The following ANKRD9 variants were observed in gnomAD, a reference collection of about 807,000 sequenced individuals.
The protein encoded by ANKRD9 is ankyrin repeat domain 9.
Under a neutral mutation model 19.2 loss-of-function variants are expected in ANKRD9, and 13 were observed. That is an observed-to-expected ratio of 0.68 (90% confidence interval 0.44 to 1.08). The LOEUF is 1.08. Among genes scored for constraint, ANKRD9 ranks in the 50% least tolerant of loss-of-function variants. The pLI, the probability that ANKRD9 is intolerant of heterozygous loss-of-function variation, is 0.00. For synonymous variants in ANKRD9, 278 were observed against 256.8 expected (o/e 1.08, Z -0.79); for missense variants, 518 against 499.9 (o/e 1.04, Z -0.34).
chr14:102,507,278 G>A lies in ANKRD9; in HGVS notation c.612C>T (p.Gly204=), dbSNP rs1891630040. Residue 204 remains glycine, a synonymous_variant, in exon 4 of 4, where the codon GGC becomes GGT. Coordinates refer to ENST00000286918, the MANE Select transcript of ANKRD9 (RefSeq NM_152326.4). The surrounding 1 kb of genome is among the most constrained non-coding windows in gnomAD (Gnocchi z 9.2). ...TPLELLLRQL[G]RDAGATPSAA... is the part of the protein sequence containing the mutation. ...CGGAGGGAGTGGCCCCGGCGTCGCG[G>A]CCCAGCTGGCGCAGCAGCAGCTCGA... 2 of 1,209,176 alleles carry A rather than the reference G, an allele frequency of 1.7e-6. No individual in the cohort carries two copies. Among genetic ancestry groups the A allele is most frequent in the East Asian group, 4.3e-5 (1 of 23,474 alleles). 74.9% of individuals were successfully genotyped at this position (1,209,176 alleles called of 1,614,324 possible). A position where few individuals can be genotyped will look rare whatever the true frequency, so the allele number is the denominator to read the frequency against.
At position 102,507,171 on chromosome 14, in the gene ANKRD9, G is replaced by T. The variant is rs755477104; in HGVS notation, c.719C>A (p.Pro240His). 1.7e-5 allele frequency: 24 copies of T among 1,398,886 alleles called. No individual in the cohort carries two copies. In the Admixed American group the frequency reaches 3.3e-4, roughly 19 times the overall value. The allele number at this position is 1,398,886 out of a possible 1,614,324, so 86.7% of individuals were successfully genotyped here. A position where few individuals can be genotyped will look rare whatever the true frequency, so the allele number is the denominator to read the frequency against. Reference sequence around the variant, plus strand: ...GCGGGCCGAGCCGGCGGCACCCACGGGGGTGTACAGCGCCAGGAGGTCCAG... The same window carrying T: ...GCGGGCCGAGCCGGCGGCACCCACGTGGGTGTACAGCGCCAGGAGGTCCAG... ...LLLDLLALYT[P>H]VGAAGSARQE... The change falls in exon 4 of 4, where the codon CCC becomes CAC. Residue 240 changes from proline to histidine, a missense_variant. Transcript: ENST00000286918. This position sits in a 1 kb window ranked among gnomAD's most constrained non-coding sequence, Gnocchi z 9.2.
In ANKRD9 at chr14:102,509,521, G is replaced by T. The variant is rs1891726787; in HGVS notation, c.-335+8C>A. The T allele has an allele frequency of 8.3e-6, 1 of 120,332 alleles. No homozygotes were observed. Among genetic ancestry groups the T allele is most frequent in the South Asian group, 2.8e-4 (1 of 3,586 alleles). 7.5% of individuals were successfully genotyped at this position (120,332 alleles called of 1,614,324 possible). ...GCCGCGGGCGCGGCGCGGGGGACGG[G>T]GACTCACCATGGGGGGCGCGGGGGC... On this transcript the variant is annotated splice_region_variant and intron_variant, in intron 1 of 3. Transcript: ENST00000286918.
In ANKRD9 at chr14:102,508,118, C is replaced by G. The variant is rs1891674620; in HGVS notation, c.-53-176G>C. 2.6e-5 allele frequency among the ~76,000 whole-genome samples: 4 copies of G among 152,126 alleles called. No individual in the cohort carries two copies. In the South Asian group the frequency reaches 8.3e-4, roughly 31 times the overall value. On this transcript the variant is annotated intron_variant, in intron 3 of 3. Coordinates refer to ENST00000286918, the MANE Select transcript of ANKRD9 (RefSeq NM_152326.4). The surrounding 1 kb of genome is among the most constrained non-coding windows in gnomAD (Gnocchi z 6.2). ...GCTCCATCTCTCCGACGCCCAGAAC[C>G]ACCGCCTCCATCCTTGATCTAGCTG...
Position 102,507,368 on chromosome 14 carries a change from G to A in ANKRD9, c.522C>T (p.Cys174=), listed in dbSNP as rs1891636330. 2.3e-6 allele frequency: 3 copies of A among 1,332,858 alleles called. No homozygotes were observed. Among genetic ancestry groups the A allele is most frequent in the Non-Finnish European group, 2.9e-6 (3 of 1,039,726 alleles). The allele number at this position is 1,332,858 out of a possible 1,614,324, so 82.6% of individuals were successfully genotyped here. A position where few individuals can be genotyped will look rare whatever the true frequency, so the allele number is the denominator to read the frequency against. The stretch of plus-strand genomic sequence containing the variant: ...CGCCGTGGCCCAGCAGCAGGAAGAG[G>A]CACTCGGGGCGCGCCAGCTCACAGG... ...HVACELARPE[C]LFLLLGHGAS... is the part of the protein sequence containing the mutation. Residue 174 remains cysteine (C), a synonymous_variant, in exon 4 of 4, where the codon TGC becomes TGT. Transcript: ENST00000286918. This position sits in a 1 kb window ranked among gnomAD's most constrained non-coding sequence, Gnocchi z 9.2.
At position 102,507,463 on chromosome 14, in the gene ANKRD9, C is replaced by T; in HGVS notation, c.427G>A (p.Glu143Lys). The T allele has an allele frequency of 7.1e-7, 1 of 1,399,058 alleles. No homozygotes were observed. The highest frequency in any genetic ancestry group is 9.3e-7 in the Non-Finnish European group (1 of 1,073,136). 86.7% of individuals were successfully genotyped at this position (1,399,058 alleles called of 1,614,324 possible). ...CGCCGGTCCAGCACGCGCGCCCGCT[C>T]CTCGGCCGGGAAGTCGCGCAAGGTG... ...LRTLRDFPAE[E>K]RARVLDRRGC... The change falls in exon 4 of 4, where the codon GAG becomes AAG. Residue 143 changes from glutamate to lysine, a missense_variant. Physicochemically the swap from Glu to Lys is moderately conservative, Grantham distance 56 (BLOSUM62 1). Coordinates refer to ENST00000286918, the MANE Select transcript of ANKRD9 (RefSeq NM_152326.4). The surrounding 1 kb of genome is among the most constrained non-coding windows in gnomAD (Gnocchi z 9.2).
In ANKRD9 at chr14:102,507,689, G is replaced by A. The variant is rs751053675; in HGVS notation, c.201C>T (p.Ala67=). ...EAFHWDERGR[A]AAYSPSEALL... is the part of the protein sequence containing the mutation. ...GCGCCTCAGAGGGCGAGTAGGCGGC[G>A]GCGCGCCCGCGCTCGTCCCAGTGGA... Residue 67 remains alanine (A), a synonymous_variant, in exon 4 of 4, where the codon GCC becomes GCT. Coordinates refer to ENST00000286918, the MANE Select transcript of ANKRD9 (RefSeq NM_152326.4). This position sits in a 1 kb window ranked among gnomAD's most constrained non-coding sequence, Gnocchi z 9.2. The A allele has an allele frequency of 6.4e-7, 1 of 1,553,122 alleles. No individual in the cohort carries two copies. The highest frequency in any genetic ancestry group is 8.7e-7 in the Non-Finnish European group (1 of 1,155,696).
At position 102,507,170 on chromosome 14, in the gene ANKRD9, G is replaced by T. The variant is rs1297163852; in HGVS notation, c.720C>A (p.Pro240=). The T allele has an allele frequency of 4.3e-6, 6 of 1,400,320 alleles. No homozygotes were observed. The highest frequency in any genetic ancestry group is 3.0e-5 in the African/African-American group (2 of 65,792). 86.7% of individuals were successfully genotyped at this position (1,400,320 alleles called of 1,614,324 possible). A position where few individuals can be genotyped will look rare whatever the true frequency, so the allele number is the denominator to read the frequency against. The change falls in exon 4 of 4, where the codon CCC becomes CCA. Residue 240 remains proline (P), a synonymous_variant. Coordinates refer to ENST00000286918, the MANE Select transcript of ANKRD9 (RefSeq NM_152326.4). The surrounding 1 kb of genome is among the most constrained non-coding windows in gnomAD (Gnocchi z 9.2). Reference sequence around the variant, plus strand: ...GGCGGGCCGAGCCGGCGGCACCCACGGGGGTGTACAGCGCCAGGAGGTCCA... The same window carrying T: ...GGCGGGCCGAGCCGGCGGCACCCACTGGGGTGTACAGCGCCAGGAGGTCCA... The part of the protein sequence containing the change: ...LLLDLLALYT[P]VGAAGSARQE...
Position 102,507,589 on chromosome 14 carries a change from C to A in ANKRD9, c.301G>T (p.Ala101Ser). Residue 101 changes from alanine to serine, a missense_variant, in exon 4 of 4, where the codon GCA becomes TCA. By Grantham distance (99) the Ala-to-Ser change is moderately conservative. Coordinates refer to ENST00000286918, the MANE Select transcript of ANKRD9 (RefSeq NM_152326.4). This position sits in a 1 kb window ranked among gnomAD's most constrained non-coding sequence, Gnocchi z 9.2. Reference sequence around the variant, plus strand: ...CAGCGGAAGCCGGCACTGGGCGGTGCGAGCGCGCGCCGCGGGAACGTGGCC... The same window carrying A: ...CAGCGGAAGCCGGCACTGGGCGGTGAGAGCGCGCGCCGCGGGAACGTGGCC... ...LLATFPRRAL[A>S]PPSAGFRCCA... 2 of 1,434,592 alleles carry A rather than the reference C, an allele frequency of 1.4e-6. No homozygotes were observed. The highest frequency in any genetic ancestry group is 1.3e-5 in the South Asian group (1 of 75,010). 88.9% of individuals were successfully genotyped at this position (1,434,592 alleles called of 1,614,324 possible).
rs1397505548 is a variant in ANKRD9, at chr14:102,507,455, C to T, written c.435G>A (p.Ala145=). ...TGCAGCCACGCCGGTCCAGCACGCGCGCCCGCTCCTCGGCCGGGAAGTCGC... is the reference window on the plus strand; with the variant it reads ...TGCAGCCACGCCGGTCCAGCACGCGTGCCCGCTCCTCGGCCGGGAAGTCGC... The part of the protein sequence containing the change: ...TLRDFPAEER[A]RVLDRRGCSR... The change falls in exon 4 of 4, where the codon GCG becomes GCA. Residue 145 remains alanine (A), a synonymous_variant. Transcript: ENST00000286918. This position sits in a 1 kb window ranked among gnomAD's most constrained non-coding sequence, Gnocchi z 9.2. 3 of 1,396,810 alleles carry T rather than the reference C, an allele frequency of 2.1e-6. No homozygotes were observed. In the Admixed American group the frequency reaches 8.3e-5, roughly 39 times the overall value. The allele number at this position is 1,396,810 out of a possible 1,614,324, so 86.5% of individuals were successfully genotyped here.
At position 102,507,470 on chromosome 14, in the gene ANKRD9, CG is replaced by C; in HGVS notation, c.419del (p.Pro140ArgfsTer184). The C allele has an allele frequency of 7.1e-7, 1 of 1,399,554 alleles. No individual in the cohort carries two copies. The highest frequency in any genetic ancestry group is 9.3e-7 in the Non-Finnish European group (1 of 1,073,588). 86.7% of individuals were successfully genotyped at this position (1,399,554 alleles called of 1,614,324 possible). The stretch of plus-strand genomic sequence containing the variant: ...CCAGCACGCGCGCCCGCTCCTCGGC[CG>C]GGAAGTCGCGCAAGGTGCGCAGGAT... ...RRILRTLRDF[P>X]AEERARVLDR... On this transcript the variant is annotated frameshift_variant, in exon 4 of 4. Transcript: ENST00000286918. LOFTEE classifies it high-confidence loss of function. The surrounding 1 kb of genome is among the most constrained non-coding windows in gnomAD (Gnocchi z 9.2).
rs909407328 is a variant in ANKRD9, at chr14:102,507,066, G to A, written c.824C>T (p.Pro275Leu). Residue 275 changes from proline to leucine, a missense_variant, in exon 4 of 4, where the codon CCG becomes CTG. Pro to Leu is a moderately conservative substitution (Grantham distance 98, BLOSUM62 -3). Transcript: ENST00000286918. The surrounding 1 kb of genome is among the most constrained non-coding windows in gnomAD (Gnocchi z 9.2). Reference protein sequence around the residue: ...DKFQWLAGLAPPSLFARAMQV... With the variant: ...DKFQWLAGLALPSLFARAMQV... ...CATGGCGCGCGCGAAGAGCGAGGGC[G>A]GCGCCAGGCCCGCCAGCCACTGGAA... 1 of 1,549,978 alleles carries A rather than the reference G, an allele frequency of 6.5e-7. No individual in the cohort carries two copies. Among genetic ancestry groups the A allele is most frequent in the African/African-American group, 1.4e-5 (1 of 72,120 alleles).
At position 102,507,339 on chromosome 14, in the gene ANKRD9, G is replaced by C. The variant is rs943550356; in HGVS notation, c.551C>G (p.Ser184Trp). ...CLFLLLGHGA[S>W]PGLRDGGGLT... ...GCCGCCGCCGTCCCGCAGACCGGGC[G>C]AGGCGCCGTGGCCCAGCAGCAGGAA... The change falls in exon 4 of 4, where the codon TCG becomes TGG. Residue 184 changes from serine (S) to tryptophan (W), a missense_variant. Ser to Trp is a radical substitution (Grantham distance 177). Transcript: ENST00000286918. The surrounding 1 kb of genome is among the most constrained non-coding windows in gnomAD (Gnocchi z 9.2). 9 of 1,314,274 alleles carry C rather than the reference G, an allele frequency of 6.8e-6. No individual in the cohort carries two copies. In the Admixed American group the frequency reaches 2.6e-4, roughly 39 times the overall value. 81.4% of individuals were successfully genotyped at this position (1,314,274 alleles called of 1,614,324 possible). A position where few individuals can be genotyped will look rare whatever the true frequency, so the allele number is the denominator to read the frequency against.
Position 102,507,371 on chromosome 14 carries a change from C to G in ANKRD9, c.519G>C (p.Glu173Asp). 7.5e-7 allele frequency: 1 copy of G among 1,334,340 alleles called. No homozygotes were observed. The highest frequency in any genetic ancestry group is 9.6e-7 in the Non-Finnish European group (1 of 1,040,596). 82.7% of individuals were successfully genotyped at this position (1,334,340 alleles called of 1,614,324 possible). A position where few individuals can be genotyped will look rare whatever the true frequency, so the allele number is the denominator to read the frequency against. Residue 173 changes from glutamate (E) to aspartate (D), a missense_variant, in exon 4 of 4, where the codon GAG becomes GAC. Transcript: ENST00000286918. The surrounding 1 kb of genome is among the most constrained non-coding windows in gnomAD (Gnocchi z 9.2). Reference protein sequence around the residue: ...LHVACELARPECLFLLLGHGA... With the variant: ...LHVACELARPDCLFLLLGHGA... ...CGTGGCCCAGCAGCAGGAAGAGGCA[C>G]TCGGGGCGCGCCAGCTCACAGGCCA... is the stretch of plus-strand genomic sequence containing the variant.
In ANKRD9 at chr14:102,508,042, C is replaced by T; in HGVS notation, c.-53-100G>A. 1 of 846,968 alleles carries T rather than the reference C, an allele frequency of 1.2e-6. No individual in the cohort carries two copies. Among genetic ancestry groups the T allele is most frequent in the East Asian group, 8.0e-5 (1 of 12,424 alleles). The allele number at this position is 846,968 out of a possible 1,614,324, so 52.5% of individuals were successfully genotyped here. A position where few individuals can be genotyped will look rare whatever the true frequency, so the allele number is the denominator to read the frequency against. The stretch of plus-strand genomic sequence containing the variant: ...CACAGCCCCTCCGGTCCTGGCCCAC[C>T]AGGCCTGTACCTACCTCCAGCCTCG... On this transcript the variant is annotated intron_variant, in intron 3 of 3. Transcript: ENST00000286918. This position sits in a 1 kb window ranked among gnomAD's most constrained non-coding sequence, Gnocchi z 6.2.
chr14:102,502,258 T>G lies in ANKRD9; in HGVS notation c.*4678A>C, dbSNP rs950502192. The G allele has an allele frequency of 3.3e-4, 50 of 152,598 alleles. No homozygotes were observed. The highest frequency in any genetic ancestry group is 1.1e-3 in the African/African-American group (46 of 41,456). 9.5% of individuals were successfully genotyped at this position (152,598 alleles called of 1,614,324 possible). ...AGGGGGAGGGAGACAACCCAAACGTTGGAGGGTATTTGTTGTAAACTTCAA... is the reference window on the plus strand; with the variant it reads ...AGGGGGAGGGAGACAACCCAAACGTGGGAGGGTATTTGTTGTAAACTTCAA... On this transcript the variant is annotated 3_prime_UTR_variant, in exon 4 of 4. Coordinates refer to ENST00000286918, the MANE Select transcript of ANKRD9 (RefSeq NM_152326.4).
chr14:102,507,535 G>T lies in ANKRD9; in HGVS notation c.355C>A (p.Leu119Met). 7.5e-7 allele frequency: 1 copy of T among 1,338,454 alleles called. No individual in the cohort carries two copies. The highest frequency in any genetic ancestry group is 9.6e-7 in the Non-Finnish European group (1 of 1,044,842). 82.9% of individuals were successfully genotyped at this position (1,338,454 alleles called of 1,614,324 possible). A position where few individuals can be genotyped will look rare whatever the true frequency, so the allele number is the denominator to read the frequency against. Residue 119 changes from leucine to methionine, a missense_variant, in exon 4 of 4, where the codon CTG (leucine) becomes ATG (methionine). Coordinates refer to ENST00000286918, the MANE Select transcript of ANKRD9 (RefSeq NM_152326.4). The surrounding 1 kb of genome is among the most constrained non-coding windows in gnomAD (Gnocchi z 9.2). Reference protein sequence around the residue: ...CCAAPGPHVALAVRYNRVGIL... With the variant: ...CCAAPGPHVAMAVRYNRVGIL... ...CCCACGCGGTTGTAGCGCACTGCCA[G>T]CGCCACGTGCGGCCCGGGAGCCGCG... is the stretch of plus-strand genomic sequence containing the variant.
rs990694811 is a variant in ANKRD9, at chr14:102,505,301, A to C, written c.*1635T>G. 3 of 148,776 alleles carry C rather than the reference A, an allele frequency of 2.0e-5. No homozygotes were observed. The highest frequency in any genetic ancestry group is 6.7e-5 in the Admixed American group (1 of 14,872). 9.2% of individuals were successfully genotyped at this position (148,776 alleles called of 1,614,324 possible). A position where few individuals can be genotyped will look rare whatever the true frequency, so the allele number is the denominator to read the frequency against. Reference sequence around the variant, plus strand: ...CCCCCCCCATGGCATCTCCAATCTGAGGACCTGCCACCTCCCAGAGGACCG... The same window carrying C: ...CCCCCCCCATGGCATCTCCAATCTGCGGACCTGCCACCTCCCAGAGGACCG... On this transcript the variant is annotated 3_prime_UTR_variant, in exon 4 of 4. Coordinates refer to ENST00000286918, the MANE Select transcript of ANKRD9 (RefSeq NM_152326.4).
In ANKRD9 at chr14:102,508,036, GCCCA is replaced by G; in HGVS notation, c.-53-98_-53-95del. The G allele has an allele frequency of 1.1e-6, 1 of 888,506 alleles. No individual in the cohort carries two copies. The highest frequency in any genetic ancestry group is 1.4e-6 in the Non-Finnish European group (1 of 721,890). The allele number at this position is 888,506 out of a possible 1,614,324, so 55.0% of individuals were successfully genotyped here. A position where few individuals can be genotyped will look rare whatever the true frequency, so the allele number is the denominator to read the frequency against. On this transcript the variant is annotated intron_variant, in intron 3 of 3. Transcript: ENST00000286918. The surrounding 1 kb of genome is among the most constrained non-coding windows in gnomAD (Gnocchi z 6.2). ...CCCTCACACAGCCCCTCCGGTCCTG[GCCCA>G]CCAGGCCTGTACCTACCTCCAGCCT...
rs545249767 is a variant in ANKRD9, at chr14:102,505,194, G to C, written c.*1742C>G. ...TAGGCACAAGCCCCATGGGCTCCCC[G>C]GGCCCAGCCCCTAAGAACCACGGCA... On this transcript the variant is annotated 3_prime_UTR_variant, in exon 4 of 4. Transcript: ENST00000286918. 6.6e-6 allele frequency: 1 copy of C among 152,514 alleles called. No homozygotes were observed. Among genetic ancestry groups the C allele is most frequent in the South Asian group, 2.1e-4 (1 of 4,808 alleles). The allele number at this position is 152,514 out of a possible 1,614,324, so 9.4% of individuals were successfully genotyped here.
Sources: allele counts gnomAD v4.1 joint callset (sites outside exome capture counted in the v4.1 genomes callset), GRCh38; gene constraint gnomAD v4.1.1; non-coding constraint Gnocchi (gnomAD v3.1); transcripts MANE v1.5; gene names NCBI Gene and HGNC (gene_info 2026-07-23, HGNC 2026-07-21).